Variants in BNIP1 observed in about 807,000 individuals in gnomAD.
BNIP1 encodes BCL2 interacting protein 1, also known as vesicle transport protein SEC20.
In BNIP1, 25 loss-of-function variants were observed where a neutral mutation model predicts 28.5. The observed-to-expected ratio is 0.88, with a 90% confidence interval of 0.64 to 1.23. The LOEUF is 1.23. Among genes scored for constraint, BNIP1 ranks in the 50% most tolerant of loss-of-function variants. The pLI, the probability that BNIP1 is intolerant of heterozygous loss-of-function variation, is 0.00. For synonymous variants in BNIP1, 118 were observed against 101.7 expected (o/e 1.16, Z -0.96); for missense variants, 276 against 277.0 (o/e 1.00, Z 0.02).
intron 2 of BNIP1, among the ~76,000 whole-genome samples, chr5:173,153,585 T>C (rs1033970520): frequency 6.6e-6 from 1 of 152,160 alleles, no homozygotes; most frequent in African/African-American, 2.4e-5. Context: ...TCAGGGAAGA[T>C]AAATTGAACC....
At chr5:173,160,696 T>C (rs1760338195) in intron 5 of BNIP1, 1 of 416,798 alleles carries the variant, frequency 2.4e-6, no homozygotes, top group African/African-American at 2.0e-5. Context: ...GTGAGGGCTC[T>C]GGGGACCCAT....
chr5:173,158,923 T>C (rs1279945156), intron 4 of BNIP1, 78 bp downstream of exon 4: 6 of 1,047,806 alleles, frequency 5.7e-6, no homozygotes, highest in Non-Finnish European at 8.0e-6. Context: ...CCCTCTTGTT[T>C]TCAGCTTGGT....
In BNIP1 at chr5:173,158,801, A is replaced by G. The variant is rs766739783; in HGVS notation, c.327A>G (p.Leu109=). 6.2e-7 allele frequency: 1 copy of G among 1,614,184 alleles called. No homozygotes were observed. Among genetic ancestry groups the G allele is most frequent in the Admixed American group, 1.7e-5 (1 of 60,004 alleles). Residue 109 remains leucine (L), a synonymous_variant, in exon 4 of 6, where the codon CTA becomes CTG. Transcript: ENST00000351486. ...CCTGCAAAATTGCAATCGACAATCTAGAGAAAGCAGAACTTCTTCAGGGAG... is the reference window on the plus strand; with the variant it reads ...CCTGCAAAATTGCAATCGACAATCTGGAGAAAGCAGAACTTCTTCAGGGAG... ...NLTCKIAIDN[L]EKAELLQGGD...
At chr5:173,151,567 C>T (rs772732710) in intron 2 of BNIP1, 2 of 1,588,462 alleles carry the variant, frequency 1.3e-6, no homozygotes, top group Non-Finnish European at 1.7e-6. Context: ...TTTTTTTAGC[C>T]AGTTCTCTAT....
At chr5:173,154,301 T>C (rs1424347017) in intron 2 of BNIP1, 21 bp from the exon 3 acceptor site, 1 of 1,601,426 alleles carries the variant, frequency 6.2e-7, no homozygotes, top group Non-Finnish European at 8.5e-7. Context: ...CATTTTAACA[T>C]GGAATTATTT....
At chr5:173,151,387 A>G (rs1204414581) in intron 2 of BNIP1, among the ~76,000 whole-genome samples, 2 of 151,394 alleles carry the variant, frequency 1.3e-5, no homozygotes, top group African/African-American at 4.9e-5. Flanking sequence ...ACACCCAGCA[A>G]ATTTTTGTAG....
chr5:173,157,411 T>C (rs1159713439), intron 3 of BNIP1, among the ~76,000 whole-genome samples: 1 of 151,970 alleles, frequency 6.6e-6, no homozygotes, highest in African/African-American at 2.4e-5. Context: ...TCAACAACTG[T>C]CAACATTTCT....
At chr5:173,150,846 GT>G (rs938234138) in intron 2 of BNIP1, among the ~76,000 whole-genome samples, 1 of 148,980 alleles carries the variant, frequency 6.7e-6, no homozygotes, top group Non-Finnish European at 1.5e-5. Flanking sequence ...TTGTTTTTTT[GT>G]TTTTTTTTAA....
chr5:173,161,973 AGT>A (rs1256364080), intron 5 of BNIP1: 1 of 152,174 alleles, frequency 6.6e-6, no homozygotes, highest in Non-Finnish European at 1.5e-5. Flanking sequence ...CTGTTCTGTG[AGT>A]GTTTGTTTTT....
At position 173,146,925 on chromosome 5, in the gene BNIP1, A is replaced by G. The variant is rs748825645; in HGVS notation, c.144A>G (p.Lys48=). The change falls in exon 2 of 6, where the codon AAA becomes AAG. Residue 48 remains lysine, a synonymous_variant. Coordinates refer to ENST00000351486, the MANE Select transcript of BNIP1 (RefSeq NM_001205.3). ...TTACTGAACTGAATACTAAAGTAAA[A>G]GAGAAATTTCAACAGTTGCGTCACA... ...SALTELNTKV[K]EKFQQLRHRI... 32 of 1,613,888 alleles carry G rather than the reference A, an allele frequency of 2.0e-5. No individual in the cohort carries two copies. Among genetic ancestry groups the G allele is most frequent in the Non-Finnish European group, 2.7e-5 (32 of 1,179,892 alleles).
chr5:173,156,723 CT>C (rs1374009708), intron 3 of BNIP1, among the ~76,000 whole-genome samples: 8 of 150,772 alleles, frequency 5.3e-5, no homozygotes, highest in Non-Finnish European at 1.5e-5. Context: ...TCTCGGCTCA[CT>C]GCAAGCTCCA....
intron 3 of BNIP1, among the ~76,000 whole-genome samples, chr5:173,154,768 C>T (rs1364493061): frequency 6.6e-6 from 1 of 152,126 alleles, no homozygotes; most frequent in African/African-American, 2.4e-5. Flanking sequence ...GTGATTCACC[C>T]ACCTTGGCTT....
chr5:173,148,083 A>AAAT (rs1759906154), intron 2 of BNIP1, among the ~76,000 whole-genome samples: 7 of 40,292 alleles, frequency 1.7e-4, no homozygotes, highest in Non-Finnish European at 2.3e-4. Flanking sequence ...AAAAAAAAAA[A>AAAT]ATATATATAT....
At chr5:173,153,456 T>TGACCTCGTGATCTCCC (rs1760082242) in intron 2 of BNIP1, among the ~76,000 whole-genome samples, 1 of 152,184 alleles carries the variant, frequency 6.6e-6, no homozygotes, top group African/African-American at 2.4e-5. Context: ...CTCGATCTCC[T>TGACCTCGTGATCTCCC]GACCTCGTGA....
At chr5:173,148,130 A>C (rs1759916845) in intron 2 of BNIP1, among the ~76,000 whole-genome samples, 1 of 102,722 alleles carries the variant, frequency 9.7e-6, no homozygotes. Context: ...ATATATATAT[A>C]TATATATTTT....
intron 2 of BNIP1, among the ~76,000 whole-genome samples, chr5:173,148,081 AAAAT>A (rs1759902590): frequency 3.9e-5 from 2 of 51,702 alleles, no homozygotes; most frequent in Non-Finnish European, 6.6e-5. Context: ...AAAAAAAAAA[AAAAT>A]ATATATATAT....
chr5:173,161,782 T>C (rs1760371547), intron 5 of BNIP1: 2 of 152,204 alleles, frequency 1.3e-5, no homozygotes, highest in Admixed American at 1.3e-4. Flanking sequence ...TGGTGGTTCT[T>C]GGTTATGGGT....
intron 2 of BNIP1, among the ~76,000 whole-genome samples, chr5:173,153,105 C>T (rs1458125758): frequency 2.6e-5 from 4 of 151,806 alleles, no homozygotes; most frequent in Non-Finnish European, 4.4e-5. Context: ...TTATTTTGGA[C>T]TGTGAGCGCT....
intron 3 of BNIP1, among the ~76,000 whole-genome samples, chr5:173,158,185 C>T (rs1439543469): frequency 6.6e-6 from 1 of 151,484 alleles, no homozygotes; most frequent in East Asian, 1.9e-4. Flanking sequence ...CCCACCTCGG[C>T]CTCCTAAAGT....
Sources: allele counts gnomAD v4.1 joint callset (sites outside exome capture counted in the v4.1 genomes callset), GRCh38; gene constraint gnomAD v4.1.1; transcripts MANE v1.5; gene names NCBI Gene and HGNC (gene_info 2026-07-23, HGNC 2026-07-21).